Variants in DACH1 observed in about 807,000 individuals in gnomAD.
DACH1 encodes the protein dachshund homolog 1.
DACH1 carries 12 observed loss-of-function variants against 54.2 expected under a neutral mutation model. The observed-to-expected ratio is 0.22, with a 90% CI of 0.14 to 0.36. The LOEUF (loss-of-function observed/expected upper bound fraction) is 0.36. Among genes scored for constraint, DACH1 ranks in the 10% least tolerant of loss-of-function variants. The pLI is 1.00. For synonymous variants in DACH1, 386 were observed against 366.2 expected (o/e 1.05, Z -0.62); for missense variants, 805 against 929.8 (o/e 0.87, Z 1.75).
chr13:71,445,182 T>A (rs1874340481), intron 10 of DACH1, among the ~76,000 whole-genome samples: 1 of 152,170 alleles, frequency 6.6e-6, no homozygotes, highest in African/African-American at 2.4e-5. Flanking sequence ...CCTCAAATGT[T>A]AAACTTTTGA....
intron 1 of DACH1, chr13:71,704,340 G>T (rs938190616): frequency 1.7e-5 from 7 of 423,240 alleles, no homozygotes; most frequent in African/African-American, 1.4e-4. Context: ...ATGCTCCACA[G>T]GTGTTACCAT....
intron 6 of DACH1, among the ~76,000 whole-genome samples, chr13:71,540,729 T>G (rs1269665358): frequency 1.3e-5 from 2 of 151,986 alleles, no homozygotes; most frequent in Non-Finnish European, 2.9e-5. Context: ...AACCTGTAGG[T>G]TTTTGTTTTA....
chr13:71,569,594 A>G (rs556751032), intron 4 of DACH1, among the ~76,000 whole-genome samples: 1 of 152,266 alleles, frequency 6.6e-6, no homozygotes, highest in Non-Finnish European at 1.5e-5. Context: ...GCTCCATTTC[A>G]TGTACTGGCA....
chr13:71,646,027 A>T (rs1240439579), intron 2 of DACH1, among the ~76,000 whole-genome samples: 2 of 152,118 alleles, frequency 1.3e-5, no homozygotes, highest in Non-Finnish European at 2.9e-5. Flanking sequence ...GTTTAACAGG[A>T]CCAAAAGAGA....
chr13:71,531,927 T>C (rs1882443299), intron 6 of DACH1, among the ~76,000 whole-genome samples: 1 of 151,892 alleles, frequency 6.6e-6, no homozygotes, highest in South Asian at 2.1e-4. Flanking sequence ...ATCACATATA[T>C]ATGTGTGTGT....
At chr13:71,709,529 G>A (rs547696169) in intron 1 of DACH1, among the ~76,000 whole-genome samples, 92 of 151,848 alleles carry the variant, frequency 6.1e-4, no homozygotes, top group Non-Finnish European at 5.6e-4. Context: ...AACTCTTGTG[G>A]TTACCAGATG....
intron 6 of DACH1, among the ~76,000 whole-genome samples, chr13:71,504,009 C>T (rs1182419066): frequency 6.6e-6 from 1 of 152,148 alleles, no homozygotes; most frequent in Non-Finnish European, 1.5e-5. Flanking sequence ...AGCACAGCTG[C>T]TATTTTGCAA....
intron 1 of DACH1, among the ~76,000 whole-genome samples, chr13:71,837,133 T>C (rs569929062): frequency 5.1e-4 from 78 of 152,130 alleles, no homozygotes; most frequent in Middle Eastern, 6.8e-3. Context: ...TTTAAGGTAA[T>C]ATTTACCTTA....
At chr13:71,728,824 T>C (rs1324728089) in intron 1 of DACH1, among the ~76,000 whole-genome samples, 1 of 152,010 alleles carries the variant, frequency 6.6e-6, no homozygotes, top group Non-Finnish European at 1.5e-5. Flanking sequence ...CCAAGTAATG[T>C]GTAATAGAAA....
At chr13:71,673,047 T>C (rs1264186589) in intron 2 of DACH1, among the ~76,000 whole-genome samples, 1 of 152,122 alleles carries the variant, frequency 6.6e-6, no homozygotes, top group Non-Finnish European at 1.5e-5. Context: ...GAGAGAAGTA[T>C]AAGCAGATTG....
intron 10 of DACH1, among the ~76,000 whole-genome samples, chr13:71,458,463 G>C (rs1218111953): frequency 6.6e-6 from 1 of 151,694 alleles, no homozygotes; most frequent in Non-Finnish European, 1.5e-5. Context: ...GGGTTAAAGT[G>C]GATACTTTAT....
At chr13:71,724,811 A>G (rs1259866898) in intron 1 of DACH1, among the ~76,000 whole-genome samples, 1 of 152,152 alleles carries the variant, frequency 6.6e-6, no homozygotes, top group Non-Finnish European at 1.5e-5. Context: ...AATTAGCTCC[A>G]TAAAGACTAC....
rs746257020 is a variant in DACH1 at position 71,559,811 on chromosome 13, G to T, written c.1435+9C>A. 5.0e-6 allele frequency: 8 copies of T among 1,613,688 alleles called. No individual in the cohort carries two copies. Among genetic ancestry groups the T allele is most frequent in the Non-Finnish European group, 6.8e-6 (8 of 1,179,888 alleles). ...TTAAAATGGTGACAAGTAGAAGTAT[G>T]AGACCTACGGATTCTGTCAGAAGAG... On this transcript the variant is annotated intron_variant, in intron 5 of 10. Coordinates refer to ENST00000613252, the MANE Select transcript of DACH1 (RefSeq NM_080759.6).
intron 1 of DACH1, among the ~76,000 whole-genome samples, chr13:71,787,063 G>C (rs1033332552): frequency 5.3e-5 from 8 of 152,160 alleles, no homozygotes; most frequent in Non-Finnish European, 1.0e-4. Flanking sequence ...TCACACAAGA[G>C]CCTTTTTCTT....
chr13:71,807,628 T>C (rs1195164750), intron 1 of DACH1, among the ~76,000 whole-genome samples: 1 of 152,164 alleles, frequency 6.6e-6, no homozygotes, highest in Admixed American at 6.5e-5. Context: ...TGCTGAGACA[T>C]ATTTCTAGAA....
chr13:71,574,383 T>A (rs940185770), intron 3 of DACH1, among the ~76,000 whole-genome samples: 15 of 152,030 alleles, frequency 9.9e-5, no homozygotes, highest in Admixed American at 1.3e-4. Context: ...TTCTGTAATA[T>A]CCCTATCAGC....
chr13:71,848,672 G>A (rs1479803790), intron 1 of DACH1, among the ~76,000 whole-genome samples: 1 of 151,892 alleles, frequency 6.6e-6, no homozygotes, highest in African/African-American at 2.4e-5. Flanking sequence ...AGCCTCCCAA[G>A]TAGCCTGGCT....
chr13:71,658,865 T>C lies in DACH1; in HGVS notation c.964+22930A>G, dbSNP rs113200719. Among the ~76,000 whole-genome samples, 5 of 152,268 alleles carry C rather than the reference T, an allele frequency of 3.3e-5. 1 individual carries two copies. Among genetic ancestry groups the C allele is most frequent in the African/African-American group, 1.2e-4 (5 of 41,554 alleles). On this transcript the variant is annotated intron_variant, in intron 2 of 10. Transcript: ENST00000613252. ...TGAAATAAGCACACATATACTTCCT[T>C]GATAATTGCACACATTTTGATTTTT...
chr13:71,573,170 A>G (rs910113298), intron 3 of DACH1, among the ~76,000 whole-genome samples, 158 bp from the exon 4 acceptor site: 1 of 152,130 alleles, frequency 6.6e-6, no homozygotes, highest in African/African-American at 2.4e-5. Flanking sequence ...CCAGGCTTAC[A>G]GCTATCTGGT....
Sources: gnomAD v4.1 joint callset for allele counts (sites outside exome capture counted in the v4.1 genomes callset) on GRCh38, gnomAD v4.1.1 for gene constraint, MANE v1.5 for transcripts, NCBI Gene and HGNC (gene_info 2026-07-23, HGNC 2026-07-21) for gene names.